Variants in POU2F3 observed in about 807,000 individuals in gnomAD.
POU2F3 encodes POU domain, class 2, transcription factor 3.
In POU2F3, 23 loss-of-function variants were observed where a neutral mutation model predicts 59.2. That is an observed-to-expected ratio of 0.39 (90% CI 0.28 to 0.55). POU2F3 has a LOEUF of 0.55. Ranked by LOEUF, POU2F3 falls within the 20% of genes least tolerant of loss-of-function variation. The pLI, the probability that POU2F3 is intolerant of heterozygous loss-of-function variation, is 0.66. For synonymous variants in POU2F3, 190 were observed against 214.6 expected (o/e 0.89, Z 1.00); for missense variants, 473 against 544.5 (o/e 0.87, Z 1.31).
upstream of POU2F3, among the ~76,000 whole-genome samples, chr11:120,238,035 G>GT (rs1938543050): frequency 6.6e-6 from 1 of 152,160 alleles, no homozygotes; most frequent in Non-Finnish European, 1.5e-5. Flanking sequence ...GAGGTCAGGA[G>GT]TTTGAGACCA....
chr11:120,293,602 A>G (rs1941104340), intron 3 of POU2F3, among the ~76,000 whole-genome samples: 1 of 152,182 alleles, frequency 6.6e-6, no homozygotes, highest in Admixed American at 6.5e-5. Context: ...TGTTTATGAA[A>G]CACTTTCCAC....
chr11:120,311,961 AGGAGTGCCATG>A (rs1376279295), intron 10 of POU2F3, among the ~76,000 whole-genome samples: 1 of 152,192 alleles, frequency 6.6e-6, no homozygotes, highest in African/African-American at 2.4e-5. Context: ...TGAGCCCCAT[AGGAGTGCCATG>A]GGAACCAAGA....
In POU2F3 at chr11:120,290,582, G is replaced by C. The variant is rs1281740869; in HGVS notation, c.133-7683G>C. 2.6e-5 allele frequency among the ~76,000 whole-genome samples: 4 copies of C among 152,198 alleles called. No individual in the cohort carries two copies. In the East Asian group the frequency reaches 7.7e-4, roughly 29 times the overall value. On this transcript the variant is annotated intron_variant, in intron 3 of 12. Coordinates refer to ENST00000543440, the MANE Select transcript of POU2F3 (RefSeq NM_014352.4). ...CAGGCTCTCCTCTTCCTAGCTGTGT[G>C]ATGTTGGGAATGTTGCTTAAATTCT...
rs116120024 is a variant in POU2F3, at chr11:120,256,064, G to C, written c.97+9547G>C. ...AGTTTGTGCATAAGACGAAGGGTCT[G>C]AATCTGAGGGTCTCTAAAACAACTT... On this transcript the variant is annotated intron_variant, in intron 2 of 12. Transcript: ENST00000543440. 3.1e-3 allele frequency: 474 copies of C among 152,314 alleles called. 2 individuals carry two copies. The highest frequency in any genetic ancestry group is 0.011 in the African/African-American group (445 of 41,556). The allele number at this position is 152,314 out of a possible 1,614,324, so 9.4% of individuals were successfully genotyped here. A position where few individuals can be genotyped will look rare whatever the true frequency, so the allele number is the denominator to read the frequency against.
intron 1 of POU2F3, among the ~76,000 whole-genome samples, chr11:120,241,812 G>A (rs1309131778): frequency 2.0e-5 from 3 of 152,112 alleles, no homozygotes; most frequent in Non-Finnish European, 4.4e-5. Flanking sequence ...GTGGGAGGGG[G>A]TGGGACAGTT....
intron 1 of POU2F3, among the ~76,000 whole-genome samples, chr11:120,243,279 T>C (rs1294383837): frequency 6.6e-6 from 1 of 152,104 alleles, no homozygotes; most frequent in Non-Finnish European, 1.5e-5. Context: ...AACATGAAGA[T>C]GGACACTAGG....
intron 3 of POU2F3, among the ~76,000 whole-genome samples, chr11:120,282,891 G>A (rs1940630791): frequency 6.6e-6 from 1 of 152,166 alleles, no homozygotes; most frequent in African/African-American, 2.4e-5. Context: ...TTCATCTGAG[G>A]GCTTGGAAGT....
chr11:120,284,270 G>A (rs1420254641), intron 3 of POU2F3, among the ~76,000 whole-genome samples: 1 of 152,124 alleles, frequency 6.6e-6, no homozygotes, highest in African/African-American at 2.4e-5. Flanking sequence ...CCGCTTCCTG[G>A]GGGCCACGAA....
At chr11:120,261,733 A>T (rs1037267690) in intron 2 of POU2F3, among the ~76,000 whole-genome samples, 1 of 152,218 alleles carries the variant, frequency 6.6e-6, no homozygotes, top group African/African-American at 2.4e-5. Context: ...CAGTGACAAG[A>T]TTCTGGGAGG....
chr11:120,309,633 G>C, intron 10 of POU2F3, 47 bp downstream of exon 10: 1 of 1,585,816 alleles, frequency 6.3e-7, no homozygotes. Context: ...GGAGGGACAT[G>C]ATGCTTGGAG....
upstream of POU2F3, among the ~76,000 whole-genome samples, chr11:120,238,409 T>A (rs1938553215): frequency 6.6e-6 from 1 of 152,188 alleles, no homozygotes; most frequent in South Asian, 2.1e-4. Context: ...CAGAACACTT[T>A]CTGATACCTG....
chr11:120,246,856 C>A (rs1431587717), intron 2 of POU2F3, among the ~76,000 whole-genome samples: 1 of 152,192 alleles, frequency 6.6e-6, no homozygotes, highest in African/African-American at 2.4e-5. Flanking sequence ...GGGGACAAGG[C>A]CTTTTAGCCC....
At chr11:120,271,586 C>G (rs1940077204) in intron 3 of POU2F3, among the ~76,000 whole-genome samples, 1 of 152,254 alleles carries the variant, frequency 6.6e-6, no homozygotes, top group Non-Finnish European at 1.5e-5. Flanking sequence ...CAAGGCCAGC[C>G]TTGCGGGGAG....
chr11:120,305,313 TGG>T, intron 7 of POU2F3, 101 bp downstream of exon 7: 1 of 1,343,862 alleles, frequency 7.4e-7, no homozygotes, highest in Non-Finnish European at 1.0e-6. Context: ...TCGATGTGTT[TGG>T]GGTCTCCTCA....
At chr11:120,292,675 C>T (rs934160678) in intron 3 of POU2F3, among the ~76,000 whole-genome samples, 1 of 152,182 alleles carries the variant, frequency 6.6e-6, no homozygotes, top group Non-Finnish European at 1.5e-5. Flanking sequence ...GGATGAGGTT[C>T]ACAAAAGAGA....
intron 2 of POU2F3, among the ~76,000 whole-genome samples, chr11:120,260,781 G>T (rs1055121038): frequency 6.6e-6 from 1 of 152,138 alleles, no homozygotes; most frequent in Non-Finnish European, 1.5e-5. Flanking sequence ...AGTTTGAGAT[G>T]CCAGAACCTC....
Position 120,305,168 on chromosome 11 carries a change from G to T in POU2F3, c.583G>T (p.Ala195Ser). 6.2e-7 allele frequency: 1 copy of T among 1,613,850 alleles called. No homozygotes were observed. Among genetic ancestry groups the T allele is most frequent in the Non-Finnish European group, 8.5e-7 (1 of 1,179,966 alleles). ...PSDLEELEKF[A>S]KTFKQRRIKL... ...TGACCTCGAGGAGCTGGAGAAGTTT[G>T]CCAAGACCTTCAAGCAGAGGCGCAT... Residue 195 changes from alanine to serine, a missense_variant, in exon 7 of 13, where the codon GCC (alanine) becomes TCC (serine). By Grantham distance (99) the Ala-to-Ser change is moderately conservative. Transcript: ENST00000543440.
rs1357729372 is a variant in POU2F3 at position 120,315,369 on chromosome 11, C to T, written c.1077C>T (p.Pro359=). The change falls in exon 11 of 13, where the codon CCC becomes CCT. Residue 359 remains proline, a synonymous_variant. Transcript: ENST00000543440. ...CTTCTGTTGTTTTTCAGGTATCTCCCTCAGGGTCTCTGGGCCCCCTCTCTG... is the reference window on the plus strand; with the variant it reads ...CTTCTGTTGTTTTTCAGGTATCTCCTTCAGGGTCTCTGGGCCCCCTCTCTG... ...PPVYNSRLVS[P]SGSLGPLSVP... 2 of 1,613,124 alleles carry T rather than the reference C, an allele frequency of 1.2e-6. No individual in the cohort carries two copies. The highest frequency in any genetic ancestry group is 2.2e-5 in the East Asian group (1 of 44,892).
intron 11 of POU2F3, among the ~76,000 whole-genome samples, chr11:120,316,239 T>C (rs1243764151): frequency 6.6e-6 from 1 of 152,204 alleles, no homozygotes. Flanking sequence ...ACCCTATCCA[T>C]AGAACACAGT....
Sources: allele counts gnomAD v4.1 joint callset (sites outside exome capture counted in the v4.1 genomes callset), GRCh38; gene constraint gnomAD v4.1.1; transcripts MANE v1.5; gene names NCBI Gene and HGNC (gene_info 2026-07-23, HGNC 2026-07-21).